MBNL1: variants seen among roughly 807,000 people sequenced by gnomAD.
MBNL1 encodes the protein muscleblind like splicing regulator 1, also known as muscleblind-like protein 1.
In MBNL1, 8 loss-of-function variants were observed where a neutral mutation model predicts 42.2. The observed-to-expected ratio is 0.19, with a 90% CI of 0.11 to 0.34. The LOEUF (loss-of-function observed/expected upper bound fraction) is 0.34, where lower values mean the gene tolerates loss of function less well. Among genes scored for constraint, MBNL1 ranks in the 10% least tolerant of loss-of-function variants. The pLI is 1.00. For missense variants in MBNL1, 309 were observed against 495.3 expected, an observed-to-expected ratio of 0.62 and a Z score of 3.57; for synonymous variants, 169 against 173.9, an observed-to-expected ratio of 0.97 and a Z score of 0.22.
intron 4 of MBNL1, among the ~76,000 whole-genome samples, chr3:152,441,310 T>C (rs755643092): frequency 1.3e-5 from 2 of 152,178 alleles, no homozygotes; most frequent in Non-Finnish European, 2.9e-5. Flanking sequence ...TTTCATGTAT[T>C]AAAAAATTAG....
At chr3:152,362,144 A>T (rs1178051940) in intron 2 of MBNL1, among the ~76,000 whole-genome samples, 3 of 152,232 alleles carry the variant, frequency 2.0e-5, no homozygotes, top group African/African-American at 7.2e-5. Context: ...ACAACATGAC[A>T]GTGATTCTGG....
intron 2 of MBNL1, among the ~76,000 whole-genome samples, chr3:152,335,518 TCAC>T (rs2089271610): frequency 6.6e-6 from 1 of 152,226 alleles, no homozygotes; most frequent in African/African-American, 2.4e-5. Context: ...AACTTCTTAG[TCAC>T]TAATCTCTAC....
chr3:152,283,194 T>A (rs1341283975), intron 1 of MBNL1, among the ~76,000 whole-genome samples: 1 of 152,238 alleles, frequency 6.6e-6, no homozygotes, highest in African/African-American at 2.4e-5. Context: ...TCTTTCATTG[T>A]AATGTTTATT....
intron 2 of MBNL1, among the ~76,000 whole-genome samples, chr3:152,330,612 A>G (rs1211034189): frequency 6.6e-6 from 1 of 152,218 alleles, no homozygotes; most frequent in Non-Finnish European, 1.5e-5. Context: ...GCAGTACAGA[A>G]TGCAATACAG....
chr3:152,375,947 T>A (rs1446845302), intron 2 of MBNL1, among the ~76,000 whole-genome samples: 1 of 152,328 alleles, frequency 6.6e-6, no homozygotes, highest in East Asian at 1.9e-4. Flanking sequence ...ACAACAGTAT[T>A]AACCAGATTT....
intron 3 of MBNL1, among the ~76,000 whole-genome samples, chr3:152,424,869 A>G (rs1372037661): frequency 6.6e-6 from 1 of 152,224 alleles, no homozygotes; most frequent in African/African-American, 2.4e-5. Context: ...GGCTAGCCAT[A>G]TGCAGAAAAC....
At chr3:152,252,549 A>C (rs1263963270) in intron 2 of MBNL1, among the ~76,000 whole-genome samples, 2 of 152,016 alleles carry the variant, frequency 1.3e-5, no homozygotes, top group Non-Finnish European at 2.9e-5. Context: ...ACAGTTCAAA[A>C]ATACCTGCTT....
intron 2 of MBNL1, among the ~76,000 whole-genome samples, chr3:152,260,938 C>T (rs1244524488): frequency 6.6e-6 from 1 of 152,144 alleles, no homozygotes; most frequent in Non-Finnish European, 1.5e-5. Context: ...CACCAGCCTA[C>T]CCAAATCTAA....
chr3:152,353,806 C>T (rs901723888), intron 2 of MBNL1, among the ~76,000 whole-genome samples: 2 of 152,004 alleles, frequency 1.3e-5, no homozygotes, highest in African/African-American at 2.4e-5. Flanking sequence ...GCAGCCCACC[C>T]ACTGTAGCCT....
chr3:152,412,192 A>G (rs958856069), intron 2 of MBNL1, among the ~76,000 whole-genome samples: 4 of 152,238 alleles, frequency 2.6e-5, no homozygotes, highest in African/African-American at 9.6e-5. Flanking sequence ...ATAATCATTC[A>G]GCAGCAGAAT....
intron 2 of MBNL1, among the ~76,000 whole-genome samples, chr3:152,391,288 A>G (rs1032792884): frequency 6.6e-6 from 1 of 152,220 alleles, no homozygotes; most frequent in Non-Finnish European, 1.5e-5. Context: ...CCTTTCTTAG[A>G]TAAATTAAAA....
intron 6 of MBNL1, among the ~76,000 whole-genome samples, chr3:152,454,938 G>C (rs1384537316): frequency 6.6e-6 from 1 of 152,034 alleles, no homozygotes; most frequent in Non-Finnish European, 1.5e-5. Context: ...TTATTGCTTG[G>C]CATCCCTCCA....
At chr3:152,334,546 A>AGACCTAATATTTTCCCATTGGTTGGAAGT (rs2088053740) in intron 2 of MBNL1, among the ~76,000 whole-genome samples, 1 of 152,244 alleles carries the variant, frequency 6.6e-6, no homozygotes, top group African/African-American at 2.4e-5. Flanking sequence ...TAAAGGTCTG[A>AGACCTAATATTTTCCCATTGGTTGGAAGT]GACCTAATAT....
chr3:152,379,790 G>A (rs1019298756), intron 2 of MBNL1, among the ~76,000 whole-genome samples: 2 of 151,990 alleles, frequency 1.3e-5, no homozygotes, highest in Admixed American at 1.3e-4. Context: ...TTTAGTTAAA[G>A]ATTCAGATGA....
At chr3:152,346,829 A>G (rs2094321011) in intron 2 of MBNL1, among the ~76,000 whole-genome samples, 1 of 150,958 alleles carries the variant, frequency 6.6e-6, no homozygotes, top group Non-Finnish European at 1.5e-5. Flanking sequence ...CTCAGTGGGT[A>G]TAGTGACATT....
chr3:152,381,885 T>C (rs2097192549), intron 2 of MBNL1, among the ~76,000 whole-genome samples: 1 of 152,120 alleles, frequency 6.6e-6, no homozygotes, highest in African/African-American at 2.4e-5. Context: ...AGATGTCAAA[T>C]AATTGCTTGA....
chr3:152,268,540 G>A (rs1240614993), upstream of MBNL1: 2 of 349,558 alleles, frequency 5.7e-6, no homozygotes, highest in Admixed American at 3.9e-5. Context: ...CCTAGCAGTC[G>A]GTAGAAGAAG....
intron 2 of MBNL1, among the ~76,000 whole-genome samples, chr3:152,343,722 G>A (rs1255751412): frequency 6.6e-6 from 1 of 152,108 alleles, no homozygotes; most frequent in Non-Finnish European, 1.5e-5. Flanking sequence ...GAAACTGTCA[G>A]TGTAGCCTAT....
chr3:152,445,600 A>G (rs2099211713), intron 5 of MBNL1, 61 bp downstream of exon 5: 14 of 1,514,132 alleles, frequency 9.2e-6, no homozygotes, highest in Middle Eastern at 1.9e-4. Flanking sequence ...GAGCAACTAT[A>G]TCTGACTACA....
Sources: allele counts gnomAD v4.1 joint callset (sites outside exome capture counted in the v4.1 genomes callset), GRCh38; gene constraint gnomAD v4.1.1; transcripts MANE v1.5; gene names NCBI Gene and HGNC (gene_info 2026-07-23, HGNC 2026-07-21).